BOP1: variants seen among roughly 807,000 people sequenced by gnomAD.
BOP1 encodes ribosome biogenesis protein BOP1.
Under a neutral mutation model 82.9 loss-of-function variants are expected in BOP1, and 54 were observed. That is an observed-to-expected ratio of 0.65 (90% CI 0.52 to 0.82). The LOEUF is 0.82. BOP1 is among the 40% of genes least tolerant of loss of function. BOP1 has a pLI of 0.00. For synonymous variants in BOP1, 566 were observed against 451.1 expected (o/e 1.25, Z -3.23); for missense variants, 1,170 against 1,072.0 (o/e 1.09, Z -1.28).
chr8:144,271,267 G>A (rs951155569), intron 3 of BOP1, among the ~76,000 whole-genome samples: 3 of 152,002 alleles, frequency 2.0e-5, no homozygotes, highest in Non-Finnish European at 4.4e-5. Flanking sequence ...GGCTGCAGCT[G>A]TCAGGACCAC....
intron 3 of BOP1, chr8:144,268,095 C>T (rs1362202083): frequency 1.9e-6 from 3 of 1,550,518 alleles, no homozygotes; most frequent in Non-Finnish European, 2.6e-6. Flanking sequence ...TCCTCCCTCC[C>T]CTCTGCAGAG....
chr8:144,278,772 G>A (rs1272379355), intron 2 of BOP1, among the ~76,000 whole-genome samples: 8 of 152,322 alleles, frequency 5.3e-5, no homozygotes, highest in South Asian at 2.1e-4. Context: ...CACGCTAGCC[G>A]CAGGGTGCCC....
chr8:144,288,985 C>T (rs1814959315), intron 2 of BOP1, 110 bp downstream of exon 2: 1 of 1,231,564 alleles, frequency 8.1e-7, no homozygotes, highest in East Asian at 2.3e-5. Context: ...GGGACGCCGG[C>T]CTTGGGGTTC....
At chr8:144,289,023 T>G in intron 2 of BOP1, 72 bp downstream of exon 2, 1 of 1,517,428 alleles carries the variant, frequency 6.6e-7, no homozygotes, top group Non-Finnish European at 9.1e-7. Context: ...GGCAGTACAG[T>G]GGCAGTCTCA....
chr8:144,272,770 C>A (rs969813854), intron 3 of BOP1, among the ~76,000 whole-genome samples: 1,643 of 152,308 alleles, frequency 0.011, 37 homozygotes, highest in African/African-American at 0.038. Context: ...GGCTTCCCTG[C>A]CCCTCATCAC....
At chr8:144,271,590 T>C (rs11781564) in intron 3 of BOP1, among the ~76,000 whole-genome samples, 91,499 of 151,804 alleles carry the variant, frequency 0.6, 28,009 homozygotes, top group African/African-American at 0.62. Context: ...TTTTATCTGT[T>C]GAAGTGCTCA....
chr8:144,272,943 G>A (rs1298050423), intron 3 of BOP1, among the ~76,000 whole-genome samples: 2 of 152,060 alleles, frequency 1.3e-5, no homozygotes, highest in Non-Finnish European at 2.9e-5. Flanking sequence ...AGTGGAAAGG[G>A]ACCAGACCCG....
At chr8:144,284,559 C>T (rs1326078738) in intron 2 of BOP1, among the ~76,000 whole-genome samples, 1 of 152,200 alleles carries the variant, frequency 6.6e-6, no homozygotes, top group African/African-American at 2.4e-5. Context: ...TAAGAAACCA[C>T]CATTCAAAAA....
chr8:144,286,710 G>A (rs375240232), intron 2 of BOP1, among the ~76,000 whole-genome samples: 160 of 152,384 alleles, frequency 1.0e-3, no homozygotes, highest in African/African-American at 3.6e-3. Flanking sequence ...AGCAGCGTGG[G>A]GAACTCTGAG....
intron 3 of BOP1, among the ~76,000 whole-genome samples, chr8:144,274,818 C>T (rs1417558164): frequency 1.3e-5 from 2 of 152,258 alleles, no homozygotes; most frequent in African/African-American, 4.8e-5. Context: ...CCTCCCCCGG[C>T]CTCCGCGCTC....
At chr8:144,278,685 A>G (rs1346300559) in intron 2 of BOP1, among the ~76,000 whole-genome samples, 3 of 152,170 alleles carry the variant, frequency 2.0e-5, no homozygotes, top group Admixed American at 1.3e-4. Context: ...TGCCAAGGAC[A>G]CCAAGACAAC....
intron 2 of BOP1, among the ~76,000 whole-genome samples, chr8:144,284,355 A>G (rs1814805543): frequency 6.6e-6 from 1 of 152,210 alleles, no homozygotes; most frequent in South Asian, 2.1e-4. Context: ...TTTCCCCAAG[A>G]ATGGTGTGCA....
At chr8:144,274,137 C>T (rs1845535160) in intron 3 of BOP1, among the ~76,000 whole-genome samples, 1 of 152,184 alleles carries the variant, frequency 6.6e-6, no homozygotes, top group Non-Finnish European at 1.5e-5. Context: ...TTCTCAGCAT[C>T]ACAGCCACTG....
At chr8:144,282,134 C>CA (rs1845695463) in intron 2 of BOP1, among the ~76,000 whole-genome samples, 1 of 152,220 alleles carries the variant, frequency 6.6e-6, no homozygotes, top group Admixed American at 6.5e-5. Context: ...GCCCGCGCTG[C>CA]CGTGTGCTGC....
intron 3 of BOP1, 107 bp from the exon 4 acceptor site, chr8:144,265,178 G>T: frequency 7.6e-7 from 1 of 1,311,186 alleles, no homozygotes; most frequent in Non-Finnish European, 1.1e-6. Context: ...TGCAGGCCCA[G>T]CCTCAAGTGC....
At chr8:144,266,718 C>A in intron 3 of BOP1, 2 of 1,199,182 alleles carry the variant, frequency 1.7e-6, no homozygotes, top group Admixed American at 3.4e-5. Flanking sequence ...GCTCGGGCTC[C>A]GACGAGAAAC....
At chr8:144,267,980 G>A in intron 3 of BOP1, 2 of 1,426,314 alleles carry the variant, frequency 1.4e-6, no homozygotes, top group African/African-American at 1.4e-5. Context: ...GGGAAGCTGG[G>A]GAGAGCCGGG....
chr8:144,262,747 C>T, intron 13 of BOP1, 75 bp from the exon 14 acceptor site: 3 of 1,502,860 alleles, frequency 2.0e-6, no homozygotes, highest in Non-Finnish European at 2.7e-6. Flanking sequence ...TCACCTACAC[C>T]CCTCACCTGC....
At chr8:144,283,028 A>G (rs1845709154) in intron 2 of BOP1, among the ~76,000 whole-genome samples, 1 of 147,636 alleles carries the variant, frequency 6.8e-6, no homozygotes, top group Non-Finnish European at 1.5e-5. Flanking sequence ...CTCTCTACTA[A>G]AAATACAAAA....
Sources: gnomAD v4.1 joint callset for allele counts (sites outside exome capture counted in the v4.1 genomes callset) on GRCh38, gnomAD v4.1.1 for gene constraint, MANE v1.5 for transcripts, NCBI Gene and HGNC (gene_info 2026-07-23, HGNC 2026-07-21) for gene names.